The following ZFAND3 variants were observed in gnomAD, a reference collection of about 807,000 sequenced individuals.
The protein encoded by ZFAND3 is zinc finger AN1-type containing 3.
In ZFAND3, 10 loss-of-function variants were observed where a neutral mutation model predicts 29.6. The observed-to-expected ratio is 0.34, with a 90% CI of 0.21 to 0.57. The LOEUF (loss-of-function observed/expected upper bound fraction) is 0.57, where lower values mean the gene tolerates loss of function less well. Among genes scored for constraint, ZFAND3 ranks in the 20% least tolerant of loss-of-function variants. The probability of loss-of-function intolerance (pLI) is 0.86; values close to 1 mark genes in which losing one functional copy is unlikely to be tolerated. For synonymous variants in ZFAND3, 128 were observed against 112.6 expected (o/e 1.14, Z -0.87); for missense variants, 230 against 304.5 (o/e 0.76, Z 1.82).
chr6:37,905,788 T>G (rs1488465714), intron 1 of ZFAND3, among the ~76,000 whole-genome samples: 1 of 152,108 alleles, frequency 6.6e-6, no homozygotes, highest in East Asian at 1.9e-4. Flanking sequence ...AAGCATAAGA[T>G]GGGAATGATA....
chr6:37,826,337 GA>G (rs1763759648), intron 1 of ZFAND3, among the ~76,000 whole-genome samples: 1 of 152,146 alleles, frequency 6.6e-6, no homozygotes, highest in South Asian at 2.1e-4. Context: ...GGTTTCTGAG[GA>G]ACAGCGATCC....
chr6:38,051,380 TTTCTA>T, intron 2 of ZFAND3, among the ~76,000 whole-genome samples: 1 of 152,322 alleles, frequency 6.6e-6, no homozygotes, highest in South Asian at 2.1e-4. Context: ...CTTTTCTACT[TTTCTA>T]TTCTGTTGTC....
intron 1 of ZFAND3, among the ~76,000 whole-genome samples, chr6:37,870,292 C>CAAAAA (rs1174577231): frequency 0.052 from 1,749 of 33,456 alleles, 317 homozygotes; most frequent in Non-Finnish European, 0.072. Flanking sequence ...GAGACTGTCT[C>CAAAAA]AAAAAAAAAA....
At chr6:37,992,021 C>G (rs564600873) in intron 2 of ZFAND3, among the ~76,000 whole-genome samples, 1 of 152,184 alleles carries the variant, frequency 6.6e-6, no homozygotes, top group South Asian at 2.1e-4. Flanking sequence ...TATAAATGGA[C>G]AATGTGATTT....
chr6:37,983,655 C>T (rs1432525735), intron 2 of ZFAND3, among the ~76,000 whole-genome samples: 1 of 151,732 alleles, frequency 6.6e-6, no homozygotes, highest in Non-Finnish European at 1.5e-5. Flanking sequence ...CACCCCCCAC[C>T]CCTGGCCCCA....
intron 2 of ZFAND3, among the ~76,000 whole-genome samples, chr6:37,950,233 G>T (rs774663544): frequency 6.9e-6 from 1 of 144,204 alleles, no homozygotes; most frequent in South Asian, 2.2e-4. Flanking sequence ...CATAGTTTTA[G>T]GTTTTACATT....
At chr6:38,077,584 G>C (rs374545937) in intron 3 of ZFAND3, among the ~76,000 whole-genome samples, 1 of 152,236 alleles carries the variant, frequency 6.6e-6, no homozygotes, top group Admixed American at 6.5e-5. Context: ...GACCAATTCC[G>C]TGGTAGTCTA....
intron 2 of ZFAND3, among the ~76,000 whole-genome samples, chr6:37,991,386 T>C (rs1212374427): frequency 1.3e-5 from 2 of 152,170 alleles, no homozygotes; most frequent in African/African-American, 4.8e-5. Flanking sequence ...CTAGTTTCAC[T>C]CTGTCACCCA....
chr6:38,103,524 CATATATAT>C (rs1554181208), intron 4 of ZFAND3, among the ~76,000 whole-genome samples: 1 of 37,950 alleles, frequency 2.6e-5, no homozygotes. Flanking sequence ...TATATATACA[CATATATAT>C]ACACACACAC....
chr6:38,084,828 A>G (rs1158870431), intron 4 of ZFAND3, among the ~76,000 whole-genome samples: 1 of 152,210 alleles, frequency 6.6e-6, no homozygotes, highest in Non-Finnish European at 1.5e-5. Flanking sequence ...AAAAGCCTGA[A>G]GGAAAATTGA....
At chr6:37,976,680 G>T (rs916273971) in intron 2 of ZFAND3, among the ~76,000 whole-genome samples, 3 of 151,914 alleles carry the variant, frequency 2.0e-5, no homozygotes, top group Non-Finnish European at 4.4e-5. Context: ...GAACAGGGAG[G>T]CCTCAGGAAA....
intron 3 of ZFAND3, among the ~76,000 whole-genome samples, chr6:38,065,224 G>C (rs1027670215): frequency 6.6e-6 from 1 of 152,006 alleles, no homozygotes; most frequent in Non-Finnish European, 1.5e-5. Flanking sequence ...GCTGAGGCAG[G>C]GGAATCGCTT....
At chr6:37,864,791 T>C (rs565808686) in intron 1 of ZFAND3, among the ~76,000 whole-genome samples, 1 of 151,646 alleles carries the variant, frequency 6.6e-6, no homozygotes, top group Non-Finnish European at 1.5e-5. Flanking sequence ...ACACGCACAC[T>C]CTCACTCTAT....
chr6:37,927,053 G>C (rs1284267226), intron 1 of ZFAND3, among the ~76,000 whole-genome samples: 1 of 152,128 alleles, frequency 6.6e-6, no homozygotes, highest in Non-Finnish European at 1.5e-5. Flanking sequence ...AATATCAGTA[G>C]TTATATTATT....
intron 5 of ZFAND3, among the ~76,000 whole-genome samples, chr6:38,151,082 TG>T (rs1766212764): frequency 6.6e-6 from 1 of 152,218 alleles, no homozygotes; most frequent in Non-Finnish European, 1.5e-5. Flanking sequence ...CTCAGACGTC[TG>T]TGCTCCACAT....
At chr6:37,866,910 G>A (rs12524229) in intron 1 of ZFAND3, among the ~76,000 whole-genome samples, 8,464 of 152,200 alleles carry the variant, frequency 0.056, 631 homozygotes, top group East Asian at 0.37. Context: ...TGAAACATAC[G>A]GACTGCTTTA....
intron 2 of ZFAND3, among the ~76,000 whole-genome samples, chr6:38,012,155 T>C (rs1169446246): frequency 2.0e-5 from 3 of 152,068 alleles, no homozygotes; most frequent in Non-Finnish European, 4.4e-5. Context: ...AATGTAAGCA[T>C]CTCCGTTCCT....
intron 1 of ZFAND3, among the ~76,000 whole-genome samples, chr6:37,905,051 G>A (rs1765384043): frequency 6.6e-6 from 1 of 152,078 alleles, no homozygotes; most frequent in Non-Finnish European, 1.5e-5. Context: ...ATGAATCAAT[G>A]CAAAGATTCA....
At chr6:38,120,289 A>C (rs1436246211) in intron 5 of ZFAND3, among the ~76,000 whole-genome samples, 1 of 140,830 alleles carries the variant, frequency 7.1e-6, no homozygotes, top group African/African-American at 2.6e-5. Context: ...TTCTCTGAGC[A>C]GATCTTGATT....
Sources: gnomAD v4.1 joint callset for allele counts (sites outside exome capture counted in the v4.1 genomes callset) on GRCh38, gnomAD v4.1.1 for gene constraint, MANE v1.5 for transcripts, NCBI Gene and HGNC (gene_info 2026-07-23, HGNC 2026-07-21) for gene names.